DIS3L2: variants seen among roughly 807,000 people sequenced by gnomAD.
DIS3L2 encodes DIS3-like exonuclease 2.
DIS3L2 carries 34 observed loss-of-function variants against 97.5 expected under a neutral mutation model. The ratio of observed to expected loss-of-function variants is 0.35; its 90% CI spans 0.27 to 0.46. DIS3L2 has a LOEUF of 0.46. DIS3L2 is among the 20% of genes least tolerant of loss of function. The pLI is 1.00. For missense variants in DIS3L2, 1,038 were observed against 1,146.0 expected (o/e 0.91, Z 1.36); for synonymous variants, 435 against 445.2 (o/e 0.98, Z 0.29).
intron 8 of DIS3L2, among the ~76,000 whole-genome samples, chr2:232,162,132 A>G (rs1413441140): frequency 6.6e-6 from 1 of 151,996 alleles, no homozygotes; most frequent in Non-Finnish European, 1.5e-5. Flanking sequence ...GGATTTCCAC[A>G]TATTTGGGGA....
chr2:232,335,897 G>T lies in DIS3L2; in HGVS notation c.2496+23G>T, dbSNP rs778268556. 12 of 1,549,720 alleles carry T rather than the reference G, an allele frequency of 7.7e-6. 1 individual carries two copies. In the South Asian group the frequency reaches 1.4e-4, roughly 18 times the overall value. On this transcript the variant is annotated intron_variant, in intron 20 of 20. Coordinates refer to ENST00000325385, the MANE Select transcript of DIS3L2 (RefSeq NM_152383.5). ...CAGGTCAGAACCCCTCTGTGTCCCAGCCCCCTAAGTCCTGATGACCCCTCT... is the reference window on the plus strand; with the variant it reads ...CAGGTCAGAACCCCTCTGTGTCCCATCCCCCTAAGTCCTGATGACCCCTCT...
chr2:232,174,703 A>G (rs1691100224), intron 9 of DIS3L2, among the ~76,000 whole-genome samples: 1 of 151,632 alleles, frequency 6.6e-6, no homozygotes, highest in Non-Finnish European at 1.5e-5. Flanking sequence ...CTTCCTTTCT[A>G]ATTTAGATGC....
intron 1 of DIS3L2, among the ~76,000 whole-genome samples, chr2:232,001,715 C>CTTTTTT (rs36048859): frequency 4.3e-4 from 26 of 60,030 alleles, no homozygotes; most frequent in South Asian, 6.6e-4. Flanking sequence ...ATCTTTAATT[C>CTTTTTT]TTTTTTTTTT....
rs1366840602 is a variant in DIS3L2 at position 232,163,599 on chromosome 2, C to T, written c.1091C>T (p.Pro364Leu). The T allele has an allele frequency of 1.9e-6, 3 of 1,613,772 alleles. No individual in the cohort carries two copies. The highest frequency in any genetic ancestry group is 2.5e-6 in the Non-Finnish European group (3 of 1,179,990). ...CCTCAAGGCCTGCCATGGACAATTC[C>T]ACCAGAGGAGTTCAGCAAGAGAAGG... is the stretch of plus-strand genomic sequence containing the variant. Reference protein sequence around the residue: ...CLPQGLPWTIPPEEFSKRRDL... With the variant: ...CLPQGLPWTILPEEFSKRRDL... The change falls in exon 9 of 21, where the codon CCA becomes CTA. Residue 364 changes from proline (P) to leucine (L), a missense_variant. By Grantham distance (98) the Pro-to-Leu change is moderately conservative. Coordinates refer to ENST00000325385, the MANE Select transcript of DIS3L2 (RefSeq NM_152383.5).
chr2:232,096,453 A>G (rs1697017980), intron 6 of DIS3L2, among the ~76,000 whole-genome samples: 5 of 151,980 alleles, frequency 3.3e-5, no homozygotes. Flanking sequence ...TTGGATATTA[A>G]TGTCTTTCTC....
At chr2:232,025,784 A>G (rs1694639291) in intron 4 of DIS3L2, among the ~76,000 whole-genome samples, 1 of 152,214 alleles carries the variant, frequency 6.6e-6, no homozygotes, top group African/African-American at 2.4e-5. Context: ...GCTGTGTTGG[A>G]GACGGATAAA....
chr2:232,089,752 T>C (rs549012947), intron 6 of DIS3L2, among the ~76,000 whole-genome samples: 32 of 152,282 alleles, frequency 2.1e-4, no homozygotes, highest in South Asian at 1.0e-3. Context: ...ATAAGACACA[T>C]TGATCTCTCA....
At chr2:232,026,832 C>A (rs1359931845) in intron 4 of DIS3L2, among the ~76,000 whole-genome samples, 1 of 152,182 alleles carries the variant, frequency 6.6e-6, no homozygotes, top group African/African-American at 2.4e-5. Flanking sequence ...TGTTCTCTTA[C>A]TTAAAATTGT....
chr2:232,313,109 A>G (rs918337510), intron 14 of DIS3L2, among the ~76,000 whole-genome samples: 1 of 151,712 alleles, frequency 6.6e-6, no homozygotes, highest in Non-Finnish European at 1.5e-5. Context: ...TTCTTGCCTT[A>G]TTGCACTGTA....
chr2:231,971,718 T>C (rs1692918946), intron 1 of DIS3L2, among the ~76,000 whole-genome samples: 1 of 151,744 alleles, frequency 6.6e-6, no homozygotes, highest in Non-Finnish European at 1.5e-5. Flanking sequence ...AGTGCTGGGA[T>C]TACAGGCGTG....
At chr2:232,159,017 C>T (rs780959156) in intron 8 of DIS3L2, among the ~76,000 whole-genome samples, 1 of 152,160 alleles carries the variant, frequency 6.6e-6, no homozygotes, top group Non-Finnish European at 1.5e-5. Flanking sequence ...GTTGGAACTT[C>T]ACTCTAGTGA....
At chr2:232,285,313 A>T (rs1019382336) in intron 13 of DIS3L2, among the ~76,000 whole-genome samples, 1 of 152,064 alleles carries the variant, frequency 6.6e-6, no homozygotes, top group African/African-American at 2.4e-5. Flanking sequence ...CCCTGAGTGG[A>T]CTCACCTAGC....
At chr2:232,280,847 A>G (rs1200185731) in intron 13 of DIS3L2, among the ~76,000 whole-genome samples, 5 of 152,242 alleles carry the variant, frequency 3.3e-5, no homozygotes, top group Non-Finnish European at 7.3e-5. Flanking sequence ...CAAGAAATGC[A>G]TGGTCCACTC....
chr2:232,077,066 A>G (rs1315559677), intron 5 of DIS3L2, among the ~76,000 whole-genome samples: 2 of 152,086 alleles, frequency 1.3e-5, no homozygotes, highest in Admixed American at 6.6e-5. Context: ...TTCTGGGCTT[A>G]GTTCTGTTCC....
chr2:232,043,692 A>G (rs1388143351), intron 5 of DIS3L2, among the ~76,000 whole-genome samples: 1 of 152,194 alleles, frequency 6.6e-6, no homozygotes, highest in East Asian at 1.9e-4. Context: ...TAACAAGTAA[A>G]TTTGTTGATT....
chr2:232,309,626 G>C (rs142433882), intron 14 of DIS3L2, among the ~76,000 whole-genome samples: 1 of 151,846 alleles, frequency 6.6e-6, no homozygotes, highest in Non-Finnish European at 1.5e-5. Flanking sequence ...TTACAGGCCC[G>C]CACAATGGCT....
At chr2:232,216,323 C>T (rs1421893300) in intron 10 of DIS3L2, among the ~76,000 whole-genome samples, 1 of 152,200 alleles carries the variant, frequency 6.6e-6, no homozygotes, top group Non-Finnish European at 1.5e-5. Flanking sequence ...TCAAAGGACC[C>T]TGCCTGCTCT....
At chr2:232,329,721 TG>T in intron 14 of DIS3L2, 91 bp from the exon 15 acceptor site, 1 of 1,289,596 alleles carries the variant, frequency 7.8e-7, no homozygotes. Flanking sequence ...GAAGGGTGAT[TG>T]ATAGAGAGCC....
At chr2:232,296,945 C>T (rs912135381) in intron 13 of DIS3L2, among the ~76,000 whole-genome samples, 1 of 152,168 alleles carries the variant, frequency 6.6e-6, no homozygotes, top group Non-Finnish European at 1.5e-5. Context: ...CTTTGAGACT[C>T]CCCCTGCAAT....
Sources: allele counts gnomAD v4.1 joint callset (sites outside exome capture counted in the v4.1 genomes callset), GRCh38; gene constraint gnomAD v4.1.1; transcripts MANE v1.5; gene names NCBI Gene and HGNC (gene_info 2026-07-23, HGNC 2026-07-21).